Variants in SUSD1 observed in about 807,000 individuals in gnomAD.
SUSD1 encodes sushi domain-containing protein 1.
A neutral mutation model predicts 86.9 loss-of-function variants in SUSD1; 65 were observed. That is an observed-to-expected ratio of 0.75 (90% CI 0.61 to 0.92). The LOEUF is 0.92. Among genes scored for constraint, SUSD1 ranks in the 40% least tolerant of loss-of-function variants. The pLI, the probability that SUSD1 is intolerant of heterozygous loss-of-function variation, is 0.00. For missense variants in SUSD1, 850 were observed against 929.7 expected, an observed-to-expected ratio of 0.91 and a Z score of 1.11; for synonymous variants, 346 against 350.0, an observed-to-expected ratio of 0.99 and a Z score of 0.13.
At chr9:112,070,896 C>T (rs1437137299) in intron 12 of SUSD1, among the ~76,000 whole-genome samples, 1 of 152,158 alleles carries the variant, frequency 6.6e-6, no homozygotes, top group Admixed American at 6.5e-5. Flanking sequence ...TGGCTTACAG[C>T]TGGGGAGAAA....
chr9:112,067,811 C>A (rs1029504584), intron 12 of SUSD1, among the ~76,000 whole-genome samples: 1 of 152,142 alleles, frequency 6.6e-6, no homozygotes, highest in South Asian at 2.1e-4. Flanking sequence ...TGCCTCCCCC[C>A]CAATCCCCCC....
intron 6 of SUSD1, among the ~76,000 whole-genome samples, chr9:112,116,914 C>T (rs142420308): frequency 3.7e-3 from 567 of 152,204 alleles, no homozygotes; most frequent in Middle Eastern, 0.01. Flanking sequence ...CCGAGGCAGA[C>T]GGATTACTTG....
At chr9:112,105,132 A>AG (rs1830783009) in intron 8 of SUSD1, among the ~76,000 whole-genome samples, 1 of 152,202 alleles carries the variant, frequency 6.6e-6, no homozygotes. Flanking sequence ...AAAGTGCAAC[A>AG]GCAGAATTTA....
intron 7 of SUSD1, chr9:112,112,199 G>C: frequency 5.1e-6 from 1 of 195,754 alleles, no homozygotes; most frequent in Non-Finnish European, 1.0e-5. Context: ...CAATCGTGAG[G>C]ATGCCAAATA....
chr9:112,100,619 G>A (rs1564294240), intron 9 of SUSD1, among the ~76,000 whole-genome samples: 1 of 152,054 alleles, frequency 6.6e-6, no homozygotes, highest in Non-Finnish European at 1.5e-5. Context: ...ATCACCTGAG[G>A]TCAGGTGTTT....
intron 1 of SUSD1, among the ~76,000 whole-genome samples, chr9:112,158,687 C>T (rs1392973386): frequency 2.0e-5 from 3 of 152,120 alleles, no homozygotes; most frequent in Non-Finnish European, 2.9e-5. Flanking sequence ...CCAATGCGCC[C>T]GGCCCATTCC....
intron 12 of SUSD1, among the ~76,000 whole-genome samples, chr9:112,073,099 C>T (rs540193536): frequency 5.9e-5 from 9 of 152,318 alleles, no homozygotes; most frequent in Admixed American, 5.9e-4. Flanking sequence ...TTGTGGAGGG[C>T]GGTGTCAGAG....
At chr9:112,125,061 A>T (rs899402157) in intron 5 of SUSD1, among the ~76,000 whole-genome samples, 37 of 152,168 alleles carry the variant, frequency 2.4e-4, no homozygotes, top group African/African-American at 8.2e-4. Context: ...GCCAAACTAT[A>T]CTTCACTTAA....
chr9:112,108,559 A>G (rs989792341), intron 8 of SUSD1, among the ~76,000 whole-genome samples: 1 of 152,032 alleles, frequency 6.6e-6, no homozygotes, highest in South Asian at 2.1e-4. Flanking sequence ...AGGCATATCA[A>G]TTGAGCCCAG....
intron 8 of SUSD1, among the ~76,000 whole-genome samples, chr9:112,103,715 T>C (rs141173783): frequency 1.8e-3 from 269 of 152,256 alleles, no homozygotes; most frequent in Non-Finnish European, 2.9e-3. Context: ...TCGGTTGCCA[T>C]ACACAAGGCG....
At chr9:112,122,506 G>C (rs1831595405) in intron 6 of SUSD1, among the ~76,000 whole-genome samples, 1 of 142,194 alleles carries the variant, frequency 7.0e-6, no homozygotes, top group Admixed American at 7.3e-5. Flanking sequence ...TGTTGGCCAG[G>C]CTGGTCTTGA....
rs188486924 is a variant in SUSD1 at position 112,080,554 on chromosome 9, G to T, written c.1475-389C>A. Among the ~76,000 whole-genome samples the T allele has an allele frequency of 1.1e-3, 160 of 152,194 alleles. 1 individual carries two copies. In the East Asian group the frequency reaches 0.027, roughly 26 times the overall value. ...AATACAAAAACTAGCTGGGCGTGGT[G>T]GTGTGTGCCTGTAGTCCCAGCTACT... On this transcript the variant is annotated intron_variant, in intron 10 of 16. Coordinates refer to ENST00000374270, the MANE Select transcript of SUSD1 (RefSeq NM_022486.5).
In SUSD1 at chr9:112,052,205, C is replaced by T. The variant is rs1828243740; in HGVS notation, c.2149+194G>A. On this transcript the variant is annotated intron_variant, in intron 15 of 16. Coordinates refer to ENST00000374270, the MANE Select transcript of SUSD1 (RefSeq NM_022486.5). ...CTGGAGCCTTCTTGGTGGGGTAGCTCTTTGTATAATTCCATAAGCTCCCAT... is the reference window on the plus strand; with the variant it reads ...CTGGAGCCTTCTTGGTGGGGTAGCTTTTTGTATAATTCCATAAGCTCCCAT... 5 of 1,519,394 alleles carry T rather than the reference C, an allele frequency of 3.3e-6. No individual in the cohort carries two copies. In the South Asian group the frequency reaches 4.9e-5, roughly 15 times the overall value. The allele number at this position is 1,519,394 out of a possible 1,614,324, so 94.1% of individuals were successfully genotyped here.
At chr9:112,173,558 G>A (rs530124196) in intron 1 of SUSD1, 16 of 343,118 alleles carry the variant, frequency 4.7e-5, no homozygotes, top group African/African-American at 1.7e-4. Context: ...GAGCTCCTTC[G>A]GGAGTCTGAG....
At chr9:112,095,171 T>C (rs902750486) in intron 10 of SUSD1, among the ~76,000 whole-genome samples, 1 of 152,154 alleles carries the variant, frequency 6.6e-6, no homozygotes, top group African/African-American at 2.4e-5. Context: ...TACAGAGACC[T>C]CGGAGGCAGA....
At chr9:112,105,947 A>T (rs1345113815) in intron 8 of SUSD1, among the ~76,000 whole-genome samples, 1 of 152,200 alleles carries the variant, frequency 6.6e-6, no homozygotes, top group African/African-American at 2.4e-5. Flanking sequence ...AGAAGCCTTC[A>T]TGATACACAA....
chr9:112,159,134 C>G (rs1214776177), intron 1 of SUSD1, among the ~76,000 whole-genome samples: 1 of 152,100 alleles, frequency 6.6e-6, no homozygotes, highest in African/African-American at 2.4e-5. Context: ...TCTAAAACAT[C>G]CAAATCTACC....
chr9:112,043,182 T>G (rs528109076), intron 15 of SUSD1, among the ~76,000 whole-genome samples: 3 of 152,328 alleles, frequency 2.0e-5, no homozygotes, highest in African/African-American at 7.2e-5. Context: ...GCCATGAGAT[T>G]AGAAATTATG....
chr9:112,173,636 C>T, intron 1 of SUSD1: 1 of 455,524 alleles, frequency 2.2e-6, no homozygotes, highest in South Asian at 1.7e-5. Flanking sequence ...TTGGCTGGCA[C>T]AGCCTGAGCC....
Sources: allele counts gnomAD v4.1 joint callset (sites outside exome capture counted in the v4.1 genomes callset), GRCh38; gene constraint gnomAD v4.1.1; transcripts MANE v1.5; gene names NCBI Gene and HGNC (gene_info 2026-07-23, HGNC 2026-07-21).